The following FARS2 variants were observed in gnomAD, a reference collection of about 807,000 sequenced individuals.
The protein encoded by FARS2 is phenylalanyl-tRNA synthetase 2, mitochondrial.
A neutral mutation model predicts 46.4 loss-of-function variants in FARS2; 40 were observed. The observed-to-expected ratio is 0.86, with a 90% CI of 0.67 to 1.12. The LOEUF is 1.12. Among genes scored for constraint, FARS2 ranks in the 50% most tolerant of loss-of-function variants. The pLI is 0.00. For synonymous variants in FARS2, 234 were observed against 214.9 expected, an observed-to-expected ratio of 1.09 and a Z score of -0.78; for missense variants, 513 against 567.9, an observed-to-expected ratio of 0.90 and a Z score of 0.98.
chr6:5,628,923 G>A (rs1776162232), intron 6 of FARS2, among the ~76,000 whole-genome samples: 1 of 152,246 alleles, frequency 6.6e-6, no homozygotes, highest in Non-Finnish European at 1.5e-5. Flanking sequence ...GGCACTGGCA[G>A]AGGACAAGAA....
At chr6:5,603,994 C>G (rs1402604132) in intron 5 of FARS2, among the ~76,000 whole-genome samples, 1 of 152,188 alleles carries the variant, frequency 6.6e-6, no homozygotes, top group Non-Finnish European at 1.5e-5. Flanking sequence ...CAGAGAGCCT[C>G]ACACCCCTTC....
intron 6 of FARS2, among the ~76,000 whole-genome samples, chr6:5,644,565 T>TC (rs1776983662): frequency 6.6e-6 from 1 of 152,186 alleles, no homozygotes; most frequent in Non-Finnish European, 1.5e-5. Flanking sequence ...TGCCAGCAGA[T>TC]CTACTCTCAT....
intron 3 of FARS2, among the ~76,000 whole-genome samples, chr6:5,412,820 C>CCTAGA (rs1324326771): frequency 1.3e-5 from 2 of 152,132 alleles, no homozygotes; most frequent in African/African-American, 2.4e-5. Context: ...TCAGAGTACT[C>CCTAGA]CTAGACAGCG....
intron 5 of FARS2, among the ~76,000 whole-genome samples, chr6:5,597,541 G>A (rs1256845596): frequency 6.6e-6 from 1 of 152,196 alleles, no homozygotes; most frequent in Non-Finnish European, 1.5e-5. Context: ...GCCACCGCCT[G>A]AGCTCAGAGC....
At chr6:5,715,020 A>G (rs1759409018) in intron 6 of FARS2, among the ~76,000 whole-genome samples, 1 of 152,186 alleles carries the variant, frequency 6.6e-6, no homozygotes, top group African/African-American at 2.4e-5. Context: ...GCGAGATTTC[A>G]TCTCAAAAAT....
At position 5,359,729 on chromosome 6, in the gene FARS2, C is replaced by A. The variant is rs945082937; in HGVS notation, c.-21-8821C>A. Among the ~76,000 whole-genome samples, 46 of 152,212 alleles carry A rather than the reference C, an allele frequency of 3.0e-4. 1 individual carries two copies. Among genetic ancestry groups the A allele is most frequent in the African/African-American group, 8.2e-4 (34 of 41,448 alleles). On this transcript the variant is annotated intron_variant, in intron 1 of 6. Transcript: ENST00000274680. ...CCATGCCTTAAATACGTTGTTGAGA[C>A]CAATGATAGATAAGTAAATAGCCAT...
At chr6:5,544,745 T>C (rs1194102621) in intron 4 of FARS2, among the ~76,000 whole-genome samples, 1 of 152,240 alleles carries the variant, frequency 6.6e-6, no homozygotes, top group East Asian at 1.9e-4. Flanking sequence ...GTTCTAAACA[T>C]GTTATGGCCA....
At chr6:5,491,323 C>T (rs528556796) in intron 4 of FARS2, among the ~76,000 whole-genome samples, 1 of 152,162 alleles carries the variant, frequency 6.6e-6, no homozygotes, top group East Asian at 1.9e-4. Context: ...ATTTGTTGCC[C>T]CCATCTCTAT....
intron 4 of FARS2, among the ~76,000 whole-genome samples, chr6:5,487,817 T>C (rs932690624): frequency 3.9e-5 from 6 of 152,260 alleles, no homozygotes; most frequent in South Asian, 2.1e-4. Flanking sequence ...GATCCTGCAG[T>C]CATCAGACCC....
chr6:5,764,873 A>G lies in FARS2; in HGVS notation c.1218-6418A>G, dbSNP rs1377714684. ...TCTGACCCCTTGTGCCAGCTTTCCA[A>G]TAAGGCTTGAGAGTTCTTTAGAAAA... On this transcript the variant is annotated intron_variant, in intron 6 of 6. Coordinates refer to ENST00000274680, the MANE Select transcript of FARS2 (RefSeq NM_006567.5). The surrounding 1 kb of genome is among the most constrained non-coding windows in gnomAD (Gnocchi z 4.1). Among the ~76,000 whole-genome samples, 1 of 152,120 alleles carries G rather than the reference A, an allele frequency of 6.6e-6. No individual in the cohort carries two copies. Among genetic ancestry groups the G allele is most frequent in the Non-Finnish European group, 1.5e-5 (1 of 67,974 alleles).
At position 5,533,310 on chromosome 6, in the gene FARS2, T is replaced by C. The variant is rs948054945; in HGVS notation, c.905-11870T>C. 2.6e-5 allele frequency among the ~76,000 whole-genome samples: 4 copies of C among 152,320 alleles called. No homozygotes were observed. The East Asian group carries it at 7.7e-4, about 29-fold the overall frequency. On this transcript the variant is annotated intron_variant, in intron 4 of 6. Transcript: ENST00000274680. Reference sequence around the variant, plus strand: ...CCCCCAATATCACTACTGTTAAATATCACTTTATAATATGATAGATAAAAT... The same window carrying C: ...CCCCCAATATCACTACTGTTAAATACCACTTTATAATATGATAGATAAAAT...
chr6:5,361,774 T>C (rs1758319038), intron 1 of FARS2, among the ~76,000 whole-genome samples: 1 of 152,226 alleles, frequency 6.6e-6, no homozygotes, highest in Non-Finnish European at 1.5e-5. Context: ...TTTTGTCTAG[T>C]GGTGACCATA....
chr6:5,735,453 C>T (rs546298507), intron 6 of FARS2, among the ~76,000 whole-genome samples: 1 of 152,276 alleles, frequency 6.6e-6, no homozygotes, highest in African/African-American at 2.4e-5. Flanking sequence ...GCTCCAGGCC[C>T]ACTCCTGACT....
At chr6:5,615,783 G>A (rs1008303237) in intron 6 of FARS2, among the ~76,000 whole-genome samples, 6 of 152,002 alleles carry the variant, frequency 3.9e-5, no homozygotes, top group South Asian at 2.1e-4. Context: ...CAGGGGCTGG[G>A]ATAGACATTC....
intron 5 of FARS2, among the ~76,000 whole-genome samples, chr6:5,590,805 G>A (rs1477435728): frequency 1.3e-5 from 2 of 151,762 alleles, no homozygotes; most frequent in Non-Finnish European, 2.9e-5. Context: ...ACATTTTTAG[G>A]CCTTTCCCTT....
At chr6:5,433,235 G>A (rs1013772348) in intron 4 of FARS2, among the ~76,000 whole-genome samples, 4 of 152,164 alleles carry the variant, frequency 2.6e-5, no homozygotes, top group Non-Finnish European at 5.9e-5. Context: ...CTTAAGATGG[G>A]TGCAAGGATA....
At chr6:5,625,366 G>A (rs899363390) in intron 6 of FARS2, among the ~76,000 whole-genome samples, 1 of 152,200 alleles carries the variant, frequency 6.6e-6, no homozygotes, top group African/African-American at 2.4e-5. Context: ...ACTGACACAG[G>A]GGTGCAGGCT....
intron 6 of FARS2, among the ~76,000 whole-genome samples, chr6:5,708,275 A>G (rs1449241109): frequency 3.9e-5 from 6 of 152,038 alleles, no homozygotes; most frequent in African/African-American, 7.2e-5. Context: ...TATGGGTTGA[A>G]CCTAAATCTT....
chr6:5,255,523 T>C, the FARS2 span, among the ~76,000 whole-genome samples: 1 of 152,100 alleles, frequency 6.6e-6, no homozygotes, highest in Non-Finnish European at 1.5e-5. Context: ...ATATGATAAA[T>C]GCGTCCCACA....
Sources: gnomAD v4.1 joint callset for allele counts (sites outside exome capture counted in the v4.1 genomes callset) on GRCh38, gnomAD v4.1.1 for gene constraint, Gnocchi (gnomAD v3.1) non-coding constraint, MANE v1.5 for transcripts, NCBI Gene and HGNC (gene_info 2026-07-23, HGNC 2026-07-21) for gene names.